Variants in ANO1 observed in about 807,000 individuals in gnomAD.
ANO1 encodes the protein anoctamin 1, also known as anoctamin-1.
A neutral mutation model predicts 124.0 loss-of-function variants in ANO1; 59 were observed. That is an observed-to-expected ratio of 0.48 (90% CI 0.39 to 0.59). The LOEUF (loss-of-function observed/expected upper bound fraction) is 0.59. Ranked by LOEUF, ANO1 falls within the 20% of genes least tolerant of loss-of-function variation. ANO1 has a pLI of 0.00. For synonymous variants in ANO1, 529 were observed against 532.0 expected, an observed-to-expected ratio of 0.99 and a Z score of 0.08; for missense variants, 1,059 against 1,328.0, an observed-to-expected ratio of 0.80 and a Z score of 3.15.
intron 4 of ANO1, among the ~76,000 whole-genome samples, chr11:70,105,277 C>T (rs1565204715): frequency 1.3e-5 from 2 of 152,216 alleles, no homozygotes; most frequent in Non-Finnish European, 1.5e-5. Flanking sequence ...AGCCTCGGGC[C>T]ATCCCTATGC....
At chr11:70,085,545 G>A (rs2044339347) in intron 1 of ANO1, 14 of 1,535,972 alleles carry the variant, frequency 9.1e-6, no homozygotes, top group Non-Finnish European at 1.1e-5. Context: ...CCCAGGTGGT[G>A]AGCAATGCTG....
the ANO1 span, among the ~76,000 whole-genome samples, chr11:69,976,047 C>T: frequency 6.6e-6 from 1 of 152,158 alleles, no homozygotes; most frequent in East Asian, 1.9e-4. Context: ...GCCTTGGATG[C>T]ACTGCTGGTT....
chr11:70,127,118 T>G (rs2046552081), intron 10 of ANO1, among the ~76,000 whole-genome samples: 2 of 142,700 alleles, frequency 1.4e-5, no homozygotes, highest in African/African-American at 2.7e-5. Context: ...TGCAGTCTGG[T>G]GCTCCCAGGA....
intron 1 of ANO1, among the ~76,000 whole-genome samples, chr11:70,056,983 T>C (rs139426975): frequency 1.3e-5 from 2 of 151,904 alleles, no homozygotes; most frequent in East Asian, 1.9e-4. Context: ...ATTCTATCTG[T>C]ACATTCTCAT....
intron 19 of ANO1, among the ~76,000 whole-genome samples, chr11:70,163,886 T>C (rs2048151583): frequency 6.7e-6 from 1 of 150,020 alleles, no homozygotes; most frequent in African/African-American, 2.5e-5. Flanking sequence ...TGCAGTGAGC[T>C]GAGATTTCGC....
Position 70,187,729 on chromosome 11 carries a change from T to C in ANO1, c.2695-9T>C. 2 of 1,603,104 alleles carry C rather than the reference T, an allele frequency of 1.2e-6. No individual in the cohort carries two copies. Among genetic ancestry groups the C allele is most frequent in the South Asian group, 2.3e-5 (2 of 88,640 alleles). On this transcript the variant is annotated splice_polypyrimidine_tract_variant and intron_variant, in intron 25 of 25. Transcript: ENST00000355303. ...CCTCCCTTCTGCCACGCGTTGCCTCTCCTTCCAGAACCTGGTCATGTTCAT... is the reference window on the plus strand; with the variant it reads ...CCTCCCTTCTGCCACGCGTTGCCTCCCCTTCCAGAACCTGGTCATGTTCAT...
In ANO1 at chr11:70,010,177, G is replaced by A. The variant is rs868932438; in HGVS notation, c.58+24011G>A. Among the ~76,000 whole-genome samples the A allele has an allele frequency of 1.6e-3, 85 of 54,480 alleles. 7 individuals are homozygous for A. The East Asian group carries it at 0.057, about 37-fold the overall frequency. The allele number at this position is 54,480 out of a possible 152,430, so 35.7% of individuals were successfully genotyped here. ...TGTGTGTGTGTGTGCGCGTGTGTGT[G>A]TGTATATATATATATATATATCACA... On this transcript the variant is annotated intron_variant, in intron 1 of 27. Coordinates refer to the ANO1 transcript ENST00000531349.
At chr11:70,143,578 G>A (rs535401487) in intron 11 of ANO1, among the ~76,000 whole-genome samples, 1 of 152,240 alleles carries the variant, frequency 6.6e-6, no homozygotes, top group South Asian at 2.1e-4. Context: ...CAGATTCCGG[G>A]GACCCTGGGT....
At chr11:70,098,944 G>C (rs932388321) in intron 2 of ANO1, among the ~76,000 whole-genome samples, 16 of 152,162 alleles carry the variant, frequency 1.1e-4, no homozygotes, top group African/African-American at 3.4e-4. Flanking sequence ...GAGTTCTTCT[G>C]GGCTGGGTTC....
chr11:69,979,741 G>A, the ANO1 span, among the ~76,000 whole-genome samples: 2 of 152,132 alleles, frequency 1.3e-5, no homozygotes, highest in Non-Finnish European at 2.9e-5. Flanking sequence ...AACACTTTTA[G>A]GGGCAAAGGG....
At chr11:70,038,059 G>C (rs1327641779) in intron 1 of ANO1, among the ~76,000 whole-genome samples, 1 of 152,308 alleles carries the variant, frequency 6.6e-6, no homozygotes, top group East Asian at 1.9e-4. Flanking sequence ...GGCTGAGGCA[G>C]GAGGTTTGTG....
intron 1 of ANO1, among the ~76,000 whole-genome samples, chr11:70,058,317 A>T (rs1171921548): frequency 1.3e-5 from 2 of 152,188 alleles, no homozygotes; most frequent in Non-Finnish European, 2.9e-5. Context: ...TTATGTTGTC[A>T]TATACTAGGC....
chr11:69,991,467 C>G (rs1210850022), intron 1 of ANO1, among the ~76,000 whole-genome samples: 11 of 152,184 alleles, frequency 7.2e-5, no homozygotes, highest in Non-Finnish European at 1.6e-4. Context: ...GCCCCCCTGT[C>G]CTCTGTGACC....
chr11:70,009,214 G>A (rs1054912254), intron 1 of ANO1, among the ~76,000 whole-genome samples: 1 of 152,170 alleles, frequency 6.6e-6, no homozygotes, highest in East Asian at 1.9e-4. Flanking sequence ...CTCTCCCTAT[G>A]TCACCGAGCA....
At chr11:70,174,486 C>A (rs2048609277) in intron 22 of ANO1, among the ~76,000 whole-genome samples, 1 of 152,186 alleles carries the variant, frequency 6.6e-6, no homozygotes, top group Non-Finnish European at 1.5e-5. Context: ...TCTTTGCACA[C>A]CCGCTCTCAA....
At chr11:69,984,883 C>G (rs1477530684), upstream of ANO1, among the ~76,000 whole-genome samples, 1 of 152,254 alleles carries the variant, frequency 6.6e-6, no homozygotes, top group Admixed American at 6.5e-5. Context: ...CACGGCCTCT[C>G]CTGTGGTCAC....
intron 6 of ANO1, among the ~76,000 whole-genome samples, chr11:70,110,120 G>A (rs562146894): frequency 1.3e-5 from 2 of 151,750 alleles, no homozygotes; most frequent in African/African-American, 4.8e-5. Context: ...GCAGCACCAG[G>A]TTAGCAGCAT....
intron 1 of ANO1, among the ~76,000 whole-genome samples, chr11:70,038,921 A>G (rs1857137648): frequency 6.6e-6 from 1 of 152,146 alleles, no homozygotes; most frequent in Non-Finnish European, 1.5e-5. Flanking sequence ...AGAAAATAGA[A>G]GGGGGAAGGG....
chr11:70,141,894 G>T (rs1045648357), intron 11 of ANO1, among the ~76,000 whole-genome samples: 3 of 152,164 alleles, frequency 2.0e-5, no homozygotes, highest in African/African-American at 7.2e-5. Flanking sequence ...CTGCCTGGCA[G>T]CCGGGAGCCT....
Sources: gnomAD v4.1 joint callset for allele counts (sites outside exome capture counted in the v4.1 genomes callset) on GRCh38, gnomAD v4.1.1 for gene constraint, MANE v1.5 for transcripts, NCBI Gene and HGNC (gene_info 2026-07-23, HGNC 2026-07-21) for gene names.